The following BID variants were observed in gnomAD, a reference collection of about 807,000 sequenced individuals.
The protein encoded by BID is BH3-interacting domain death agonist.
In BID, 19 loss-of-function variants were observed where a neutral mutation model predicts 17.4. The observed-to-expected ratio is 1.09, with a 90% confidence interval of 0.76 to 1.60. BID has a LOEUF of 1.60. BID is among the 40% of genes most tolerant of loss of function. The probability of loss-of-function intolerance (pLI) is 0.00; values close to 1 mark genes in which losing one functional copy is unlikely to be tolerated. For synonymous variants in BID, 108 were observed against 102.8 expected (o/e 1.05, Z -0.31); for missense variants, 226 against 256.0 (o/e 0.88, Z 0.80).
intron 1 of BID, among the ~76,000 whole-genome samples, chr22:17,753,921 G>A (rs1294352158): frequency 2.6e-5 from 4 of 152,114 alleles, no homozygotes; most frequent in African/African-American, 7.2e-5. Context: ...TGCCAGATGG[G>A]GGTGACATTC....
chr22:17,771,820 C>T (rs930471994), intron 1 of BID, among the ~76,000 whole-genome samples: 1 of 152,206 alleles, frequency 6.6e-6, no homozygotes, highest in Admixed American at 6.5e-5. Flanking sequence ...AACCCCACTG[C>T]GAGGTTTCTG....
chr22:17,773,268 C>T lies in BID; in HGVS notation c.-59+1113G>A, dbSNP rs1349567577. Reference sequence around the variant, plus strand: ...CTCCTGATGCCAGAGGATCCCTCTGCGCTCCCCACACCCTTAAGACCCCAG... The same window carrying T: ...CTCCTGATGCCAGAGGATCCCTCTGTGCTCCCCACACCCTTAAGACCCCAG... On this transcript the variant is annotated intron_variant, in intron 1 of 5. Transcript: ENST00000622694. This position sits in a 1 kb window ranked among gnomAD's most constrained non-coding sequence, Gnocchi z 4.4. Among the ~76,000 whole-genome samples the T allele has an allele frequency of 1.3e-5, 2 of 152,102 alleles. No individual in the cohort carries two copies. The highest frequency in any genetic ancestry group is 2.9e-5 in the Non-Finnish European group (2 of 68,016).
At chr22:17,767,515 G>A (rs140311139) in intron 1 of BID, among the ~76,000 whole-genome samples, 152 of 152,224 alleles carry the variant, frequency 1.0e-3, no homozygotes, top group Admixed American at 5.8e-3. Context: ...TATCCTTCCC[G>A]GTGGACACAA....
intron 1 of BID, among the ~76,000 whole-genome samples, chr22:17,756,986 G>C (rs1282302817): frequency 6.7e-6 from 1 of 149,064 alleles, no homozygotes; most frequent in Non-Finnish European, 1.5e-5. Context: ...GACTAATTTA[G>C]GGCCATGCAG....
Position 17,773,589 on chromosome 22 carries a change from C to A in BID, c.-59+792G>T, listed in dbSNP as rs375318615. 218 of 1,611,806 alleles carry A rather than the reference C, an allele frequency of 1.4e-4. No individual in the cohort carries two copies. The highest frequency in any genetic ancestry group is 1.8e-4 in the Non-Finnish European group (208 of 1,179,684). On this transcript the variant is annotated intron_variant, in intron 1 of 5. Transcript: ENST00000622694. The surrounding 1 kb of genome is among the most constrained non-coding windows in gnomAD (Gnocchi z 4.4). ...TGAAGGCCGGTCCAGCCGCAGAAGGCCCAGCCCCCAGCCCACTTACAGAAT... is the reference window on the plus strand; with the variant it reads ...TGAAGGCCGGTCCAGCCGCAGAAGGACCAGCCCCCAGCCCACTTACAGAAT...
chr22:17,759,719 A>G (rs1404482536), intron 1 of BID, among the ~76,000 whole-genome samples: 2 of 152,162 alleles, frequency 1.3e-5, no homozygotes, highest in Admixed American at 1.3e-4. Context: ...ATTAAAGTTT[A>G]AAATTTTTTA....
At chr22:17,753,727 CCT>C (rs2061558763) in intron 1 of BID, among the ~76,000 whole-genome samples, 1 of 152,232 alleles carries the variant, frequency 6.6e-6, no homozygotes, top group African/African-American at 2.4e-5. Flanking sequence ...GAGTTCATGC[CCT>C]CTCTCTTCCA....
chr22:17,765,762 T>C (rs1290972766), intron 1 of BID, among the ~76,000 whole-genome samples: 1 of 152,172 alleles, frequency 6.6e-6, no homozygotes, highest in African/African-American at 2.4e-5. Context: ...CACACCAACA[T>C]GGCACATGTA....
At position 17,773,552 on chromosome 22, in the gene BID, C is replaced by A. The variant is rs1422730910; in HGVS notation, c.-59+829G>T. 1 of 1,586,630 alleles carries A rather than the reference C, an allele frequency of 6.3e-7. No homozygotes were observed. Among genetic ancestry groups the A allele is most frequent in the East Asian group, 2.2e-5 (1 of 44,526 alleles). On this transcript the variant is annotated intron_variant, in intron 1 of 5. Transcript: ENST00000622694. This position sits in a 1 kb window ranked among gnomAD's most constrained non-coding sequence, Gnocchi z 4.4. ...CCATCTGCTCCTCACCTGCCCCAAC[C>A]CTGCCTGCAGGTGAAGGCCGGTCCA...
At chr22:17,740,186 G>A (rs1323478787) in intron 3 of BID, 1 of 1,610,408 alleles carries the variant, frequency 6.2e-7, no homozygotes, top group Non-Finnish European at 8.5e-7. Flanking sequence ...CCTGCCAGAA[G>A]GTAAGCTCCC....
At position 17,773,837 on chromosome 22, in the gene BID, G is replaced by T. The variant is rs2061739233; in HGVS notation, c.-59+544C>A. On this transcript the variant is annotated intron_variant, in intron 1 of 5. Transcript: ENST00000622694. The surrounding 1 kb of genome is among the most constrained non-coding windows in gnomAD (Gnocchi z 4.4). ...AGCGAGGATCCGCACATCATTGCCA[G>T]TGCTCTAAGGAGCGGGCGAGCCCCA... The T allele has an allele frequency of 1.3e-6, 1 of 780,668 alleles. No homozygotes were observed. Among genetic ancestry groups the T allele is most frequent in the Non-Finnish European group, 2.1e-6 (1 of 486,416 alleles). The allele number at this position is 780,668 out of a possible 1,614,324, so 48.4% of individuals were successfully genotyped here.
upstream of BID, chr22:17,774,504 A>ACGCCCGGGCC (rs2061746143): frequency 8.1e-6 from 2 of 245,700 alleles, no homozygotes; most frequent in Non-Finnish European, 1.7e-5. Context: ...TCGGCCCCCC[A>ACGCCCGGGCC]CGCCCGGGCC....
At chr22:17,739,303 C>G in intron 4 of BID, 46 bp downstream of exon 4, 1 of 1,505,362 alleles carries the variant, frequency 6.6e-7, no homozygotes, top group Non-Finnish European at 8.9e-7. Context: ...GGACAGGCCC[C>G]CTTGGCTCAC....
At chr22:17,738,460 C>A (rs1419015593) in intron 4 of BID, among the ~76,000 whole-genome samples, 1 of 152,212 alleles carries the variant, frequency 6.6e-6, no homozygotes, top group Non-Finnish European at 1.5e-5. Context: ...CATGTGCCCA[C>A]TGTTAGACGG....
chr22:17,773,543 T>C lies in BID; in HGVS notation c.-59+838A>G. The C allele has an allele frequency of 6.4e-7, 1 of 1,565,910 alleles. No individual in the cohort carries two copies. On this transcript the variant is annotated intron_variant, in intron 1 of 5. Transcript: ENST00000622694. This position sits in a 1 kb window ranked among gnomAD's most constrained non-coding sequence, Gnocchi z 4.4. ...TGGGTGGGTCCATCTGCTCCTCACC[T>C]GCCCCAACCCTGCCTGCAGGTGAAG...
intron 1 of BID, among the ~76,000 whole-genome samples, chr22:17,768,179 G>T (rs746438619): frequency 6.6e-6 from 1 of 152,224 alleles, no homozygotes; most frequent in Non-Finnish European, 1.5e-5. Context: ...GCCTGTAGGC[G>T]GTGGTGACGG....
In BID at chr22:17,735,329, A is replaced by T; in HGVS notation, c.*251T>A. 64 of 500,932 alleles carry T rather than the reference A, an allele frequency of 1.3e-4. No homozygotes were observed. Among genetic ancestry groups the T allele is most frequent in the South Asian group, 4.3e-4 (15 of 35,236 alleles). 31.0% of individuals were successfully genotyped at this position (500,932 alleles called of 1,614,324 possible). ...CGTGTGTAGATTTACAGATGTGCAGATTCATGTGTGGATGATATGAAGGCC... is the reference window on the plus strand; with the variant it reads ...CGTGTGTAGATTTACAGATGTGCAGTTTCATGTGTGGATGATATGAAGGCC... On this transcript the variant is annotated 3_prime_UTR_variant, in exon 6 of 6. Coordinates refer to ENST00000622694, the MANE Select transcript of BID (RefSeq NM_001196.4).
In BID at chr22:17,734,846, T is replaced by C. The variant is rs1441648790; in HGVS notation, c.*734A>G. On this transcript the variant is annotated 3_prime_UTR_variant, in exon 6 of 6. Coordinates refer to ENST00000622694, the MANE Select transcript of BID (RefSeq NM_001196.4). ...AAAGTGTATGCAGTTAGTTACCTGA[T>C]TTTGTAAACAAACAGTGGCTGACCT... 6.6e-6 allele frequency: 1 copy of C among 152,236 alleles called. No individual in the cohort carries two copies. Among genetic ancestry groups the C allele is most frequent in the Non-Finnish European group, 1.5e-5 (1 of 68,034 alleles). 9.4% of individuals were successfully genotyped at this position (152,236 alleles called of 1,614,324 possible).
chr22:17,752,214 G>A (rs968823915), intron 1 of BID, among the ~76,000 whole-genome samples: 6 of 152,170 alleles, frequency 3.9e-5, no homozygotes, highest in African/African-American at 1.4e-4. Context: ...CCCTAACGCC[G>A]TGTCTCATGC....
Sources: allele counts gnomAD v4.1 joint callset (sites outside exome capture counted in the v4.1 genomes callset), GRCh38; gene constraint gnomAD v4.1.1; non-coding constraint Gnocchi (gnomAD v3.1); transcripts MANE v1.5; gene names NCBI Gene and HGNC (gene_info 2026-07-23, HGNC 2026-07-21).